The following RGL3 variants were observed in gnomAD, a reference collection of about 807,000 sequenced individuals.
RGL3 encodes the protein ral guanine nucleotide dissociation stimulator-like 3.
In RGL3, 85 loss-of-function variants were observed where a neutral mutation model predicts 90.6. The ratio of observed to expected loss-of-function variants is 0.94; its 90% confidence interval spans 0.79 to 1.12. RGL3 has a LOEUF of 1.12. Among genes scored for constraint, RGL3 ranks in the 50% most tolerant of loss-of-function variants. The pLI is 0.00. For synonymous variants in RGL3, 408 were observed against 385.5 expected, an observed-to-expected ratio of 1.06 and a Z score of -0.68; for missense variants, 1,034 against 939.2, an observed-to-expected ratio of 1.10 and a Z score of -1.32.
Position 11,394,395 on chromosome 19 carries a change from G to T in RGL3, c.*7C>A. 1 of 1,606,386 alleles carries T rather than the reference G, an allele frequency of 6.2e-7. No individual in the cohort carries two copies. Among genetic ancestry groups the T allele is most frequent in the Non-Finnish European group, 8.5e-7 (1 of 1,173,052 alleles). On this transcript the variant is annotated 3_prime_UTR_variant, in exon 19 of 19. Transcript: ENST00000380456. ...GACTTGTGTCTTGTGGAGAGGACAG[G>T]GCTGCCTCAGCTTGGGGAGACAGAC...
At position 11,412,983 on chromosome 19, in the gene RGL3, AAAAT is replaced by A; in HGVS notation, c.637+2950_637+2953del. On this transcript the variant is annotated intron_variant, in intron 5 of 18. Transcript: ENST00000380456. Reference sequence around the variant, plus strand: ...TCTGTCTCAAAATAAAATAAAAGTAAAAATAAATAAAATAAAATAAAATGAAATA... The same window carrying A: ...TCTGTCTCAAAATAAAATAAAAGTAAAAATAAAATAAAATAAAATGAAATA... Among the ~76,000 whole-genome samples, 2 of 151,990 alleles carry A rather than the reference AAAAT, an allele frequency of 1.3e-5. 1 individual carries two copies. The highest frequency in any genetic ancestry group is 1.3e-4 in the Admixed American group (2 of 15,232).
At position 11,416,790 on chromosome 19, in the gene RGL3, T is replaced by G. The variant is rs775132519; in HGVS notation, c.371+46A>C. 9 of 1,607,092 alleles carry G rather than the reference T, an allele frequency of 5.6e-6. No homozygotes were observed. In the East Asian group the frequency reaches 2.0e-4, roughly 36 times the overall value. On this transcript the variant is annotated intron_variant, in intron 3 of 18. Coordinates refer to ENST00000380456, the MANE Select transcript of RGL3 (RefSeq NM_001035223.4). The stretch of plus-strand genomic sequence containing the variant: ...GAGGAGGTGGAGGGGGGTGCCCAGT[T>G]GGGGTTCTAGGGTGGAGAATACGGA...
At chr19:11,400,001 C>A in intron 15 of RGL3, 39 bp downstream of exon 15, 1 of 1,596,804 alleles carries the variant, frequency 6.3e-7, no homozygotes, top group East Asian at 2.3e-5. Flanking sequence ...GACTCCTGAT[C>A]CCATGATCCC....
At position 11,416,132 on chromosome 19, in the gene RGL3, GCACTGAC is replaced by G; in HGVS notation, c.435_441del (p.Ser146TrpfsTer108). ...GGGTGGTCCTGCAGCCAGGAGCCCAGCACTGACACCACAGCCCTGGCCAGAGAGGCAG... is the reference window on the plus strand; with the variant it reads ...GGGTGGTCCTGCAGCCAGGAGCCCAGACCACAGCCCTGGCCAGAGAGGCAG... On this transcript the variant is annotated frameshift_variant, in exon 5 of 19. Transcript: ENST00000380456. LOFTEE classifies it high-confidence loss of function. 6.3e-7 allele frequency: 1 copy of G among 1,579,304 alleles called. No homozygotes were observed. Among genetic ancestry groups the G allele is most frequent in the Non-Finnish European group, 8.6e-7 (1 of 1,164,204 alleles).
Position 11,418,790 on chromosome 19 carries a change from C to T in RGL3, c.34-6G>A, listed in dbSNP as rs1969052577. 2 of 1,539,684 alleles carry T rather than the reference C, an allele frequency of 1.3e-6. No individual in the cohort carries two copies. The highest frequency in any genetic ancestry group is 1.7e-6 in the Non-Finnish European group (2 of 1,145,702). ...CCCCAGTCCTGCAGCGGTGCCTGGA[C>T]GCACAGGCGGACTCAGGGCACCAAA... is the stretch of plus-strand genomic sequence containing the variant. On this transcript the variant is annotated splice_polypyrimidine_tract_variant and splice_region_variant and intron_variant, in intron 1 of 18. Coordinates refer to ENST00000380456, the MANE Select transcript of RGL3 (RefSeq NM_001035223.4).
chr19:11,409,048 G>A (rs1968829517), intron 5 of RGL3, among the ~76,000 whole-genome samples: 1 of 151,974 alleles, frequency 6.6e-6, no homozygotes, highest in African/African-American at 2.4e-5. Flanking sequence ...ATGGTGGCAA[G>A]TGCCTGTAAT....
chr19:11,402,674 G>T lies in RGL3; in HGVS notation c.1218C>A (p.Asp406Glu). Residue 406 changes from aspartate to glutamate, a missense_variant, in exon 10 of 19, where the codon GAC (aspartate) becomes GAA (glutamate). Asp to Glu is a conservative substitution (Grantham distance 45). Transcript: ENST00000380456. ...EEATEGSQEE[D>E]NTPGSLPSKP... Reference sequence around the variant, plus strand: ...CTGAGGGCAGGCTGCCTGGGGTGTTGTCCTCTTCTTGGGATCCCTCAGTGG... The same window carrying T: ...CTGAGGGCAGGCTGCCTGGGGTGTTTTCCTCTTCTTGGGATCCCTCAGTGG... 6.2e-7 allele frequency: 1 copy of T among 1,613,934 alleles called. No homozygotes were observed. The highest frequency in any genetic ancestry group is 1.3e-5 in the African/African-American group (1 of 75,014).
At position 11,402,683 on chromosome 19, in the gene RGL3, T is replaced by C; in HGVS notation, c.1209A>G (p.Gln403=). ...GGCTGCCTGGGGTGTTGTCCTCTTC[T>C]TGGGATCCCTCAGTGGCCTCCTCCT... is the stretch of plus-strand genomic sequence containing the variant. ...LFQEEATEGS[Q]EEDNTPGSLP... Residue 403 remains glutamine (Q), a synonymous_variant, in exon 10 of 19, where the codon CAA becomes CAG. Transcript: ENST00000380456. The C allele has an allele frequency of 1.2e-6, 2 of 1,613,792 alleles. No individual in the cohort carries two copies. The highest frequency in any genetic ancestry group is 4.5e-5 in the East Asian group (2 of 44,854).
intron 12 of RGL3, 29 bp downstream of exon 12, chr19:11,402,186 C>T (rs775121223): frequency 2.4e-5 from 38 of 1,611,500 alleles, no homozygotes; most frequent in Non-Finnish European, 3.2e-5. Context: ...CCCTCAGGCA[C>T]CACCACACCC....
At position 11,396,156 on chromosome 19, in the gene RGL3, ATATTTTTTTTTTT is replaced by A. The variant is rs1340583972; in HGVS notation, c.2014+1075_2014+1087del. Among the ~76,000 whole-genome samples, 107 of 51,344 alleles carry A rather than the reference ATATTTTTTTTTTT, an allele frequency of 2.1e-3. 3 individuals carry two copies. The highest frequency in any genetic ancestry group is 0.017 in the East Asian group (33 of 1,944). 33.7% of individuals were successfully genotyped at this position (51,344 alleles called of 152,430 possible). ...TCTCTCTATATATATATATATATATATATTTTTTTTTTTTTTTTTTTTTTTTTTTTGAGACAGA... is the reference window on the plus strand; with the variant it reads ...TCTCTCTATATATATATATATATATATTTTTTTTTTTTTTTTTGAGACAGA... On this transcript the variant is annotated intron_variant, in intron 18 of 18. Coordinates refer to ENST00000380456, the MANE Select transcript of RGL3 (RefSeq NM_001035223.4).
rs201756334 is a variant in RGL3, at chr19:11,419,271, C to G, written c.8G>C (p.Arg3Pro). The G allele has an allele frequency of 6.3e-7, 1 of 1,582,264 alleles. No individual in the cohort carries two copies. Among genetic ancestry groups the G allele is most frequent in the African/African-American group, 1.4e-5 (1 of 72,392 alleles). The part of the protein sequence containing the change: ME[R>P]TAGKELALAP... Reference sequence around the variant, plus strand: ...CAGGGCCAGCTCTTTGCCTGCTGTGCGCTCCATGGCCGGCGCCCGTCCCTC... The same window carrying G: ...CAGGGCCAGCTCTTTGCCTGCTGTGGGCTCCATGGCCGGCGCCCGTCCCTC... Residue 3 changes from arginine (R) to proline (P), a missense_variant, in exon 1 of 19, where the codon CGC becomes CCC. Transcript: ENST00000380456.
At position 11,397,520 on chromosome 19, in the gene RGL3, C is replaced by T. The variant is rs139444484; in HGVS notation, c.1824G>A (p.Ala608=). Residue 608 remains alanine, a synonymous_variant, in exon 17 of 19, where the codon GCG becomes GCA. Coordinates refer to ENST00000380456, the MANE Select transcript of RGL3 (RefSeq NM_001035223.4). Reference sequence around the variant, plus strand: ...TGACACGGGCCTCCGAGCTCTGCTGCGCCGGGAGGGGGATTCGAGGGCTGC... The same window carrying T: ...TGACACGGGCCTCCGAGCTCTGCTGTGCCGGGAGGGGGATTCGAGGGCTGC... ...PLGSPRIPLP[A]QQSSEARVIR... 122 of 1,613,358 alleles carry T rather than the reference C, an allele frequency of 7.6e-5. 1 individual carries two copies. The highest frequency in any genetic ancestry group is 6.3e-4 in the Admixed American group (38 of 59,932).
chr19:11,417,162 T>TG (rs1015468137), intron 2 of RGL3, 103 bp from the exon 3 acceptor site: 7 of 948,204 alleles, frequency 7.4e-6, no homozygotes, highest in African/African-American at 1.7e-5. Context: ...TTTTTTGTTT[T>TG]TTTTTTTGAG....
Position 11,402,467 on chromosome 19 carries a change from C to T in RGL3, c.1317G>A (p.Pro439=), listed in dbSNP as rs745637604. Residue 439 remains proline (P), a synonymous_variant, in exon 11 of 19, where the codon CCG becomes CCA. Coordinates refer to ENST00000380456, the MANE Select transcript of RGL3 (RefSeq NM_001035223.4). ...TDLVMLDTAL[P]DMLEGDLINF... ...TCAGGGGTCAGACCTCCAACATATC[C>T]GGCAGGGCTGTGTCCAGCATAACCA... The T allele has an allele frequency of 3.1e-5, 49 of 1,602,150 alleles. No individual in the cohort carries two copies. The highest frequency in any genetic ancestry group is 3.3e-4 in the Middle Eastern group (2 of 5,982).
At chr19:11,410,373 G>A (rs1339070368) in intron 5 of RGL3, among the ~76,000 whole-genome samples, 1 of 151,880 alleles carries the variant, frequency 6.6e-6, no homozygotes, top group African/African-American at 2.4e-5. Flanking sequence ...TAGGACAGGT[G>A]GCATTGCAAA....
At chr19:11,418,590 G>T in intron 2 of RGL3, 81 bp downstream of exon 2, 1 of 1,114,530 alleles carries the variant, frequency 9.0e-7, no homozygotes, top group Non-Finnish European at 1.3e-6. Context: ...CACTGCACCT[G>T]GCGGCCTGTG....
chr19:11,405,066 G>A (rs1968745889), intron 9 of RGL3, 81 bp downstream of exon 9: 2 of 1,102,012 alleles, frequency 1.8e-6, no homozygotes, highest in Non-Finnish European at 2.8e-6. Context: ...GACTATAGCA[G>A]GGAGATTACC....
chr19:11,402,070 G>A lies in RGL3; in HGVS notation c.1425C>T (p.Ser475=), dbSNP rs1267010989. 3.8e-6 allele frequency: 6 copies of A among 1,582,192 alleles called. No individual in the cohort carries two copies. Among genetic ancestry groups the A allele is most frequent in the Admixed American group, 1.7e-5 (1 of 57,762 alleles). The change falls in exon 13 of 19, where the codon AGC becomes AGT. Residue 475 remains serine (S), a synonymous_variant. Transcript: ENST00000380456. The part of the protein sequence containing the change: ...LQRRCQSYTL[S]PHPPILAALH... ...GGGCAGCCAGGATGGGCGGGTGGGG[G>A]CTCAGGGTGTAGCTCTGACAGCGCC...
intron 5 of RGL3, among the ~76,000 whole-genome samples, chr19:11,414,823 T>G (rs1456438932): frequency 6.6e-6 from 1 of 151,812 alleles, no homozygotes; most frequent in African/African-American, 2.4e-5. Flanking sequence ...GCCTATGAGA[T>G]GAGCAAAAGC....
Sources: allele counts gnomAD v4.1 joint callset (sites outside exome capture counted in the v4.1 genomes callset), GRCh38; gene constraint gnomAD v4.1.1; transcripts MANE v1.5; gene names NCBI Gene and HGNC (gene_info 2026-07-23, HGNC 2026-07-21).